The following PARP16 variants were observed in gnomAD, a reference collection of about 807,000 sequenced individuals.
PARP16 encodes protein mono-ADP-ribosyltransferase PARP16.
A neutral mutation model predicts 35.0 loss-of-function variants in PARP16; 31 were observed. That is an observed-to-expected ratio of 0.88 (90% CI 0.66 to 1.19). PARP16 has a LOEUF of 1.19. Among genes scored for constraint, PARP16 ranks in the 50% most tolerant of loss-of-function variants. The probability of loss-of-function intolerance (pLI) is 0.00; values close to 1 mark genes in which losing one functional copy is unlikely to be tolerated. For missense variants in PARP16, 424 were observed against 411.2 expected, an observed-to-expected ratio of 1.03 and a Z score of -0.27; for synonymous variants, 162 against 169.5, an observed-to-expected ratio of 0.96 and a Z score of 0.34.
chr15:65,282,440 G>A (rs2090447428), intron 1 of PARP16: 1 of 152,196 alleles, frequency 6.6e-6, no homozygotes, highest in East Asian at 1.9e-4. Context: ...CAGATGCCCA[G>A]TTCTCTGCAT....
intron 4 of PARP16, 61 bp downstream of exon 4, chr15:65,263,088 G>T: frequency 6.7e-7 from 1 of 1,499,380 alleles, no homozygotes; most frequent in Non-Finnish European, 9.2e-7. Context: ...AGCTGGGCCA[G>T]CAAGAGCCTG....
intron 3 of PARP16, among the ~76,000 whole-genome samples, chr15:65,266,234 C>T (rs1027983981): frequency 9.9e-5 from 15 of 152,142 alleles, no homozygotes; most frequent in Admixed American, 8.5e-4. Context: ...AAAAGCTCCC[C>T]GAGTGATTCT....
At chr15:65,271,516 C>A (rs951882560) in intron 1 of PARP16, among the ~76,000 whole-genome samples, 11 of 152,126 alleles carry the variant, frequency 7.2e-5, no homozygotes, top group African/African-American at 1.9e-4. Flanking sequence ...CTCAAGTGAT[C>A]CCCCTGCCTC....
rs1181532416 is a variant in PARP16 at position 65,286,364 on chromosome 15, G to A, written c.63C>T (p.Asp21=). Residue 21 remains aspartate (D), a synonymous_variant, in exon 1 of 6, where the codon GAC becomes GAT. Coordinates refer to ENST00000649807, the MANE Select transcript of PARP16 (RefSeq NM_001316943.2). ...CCGAGGCGAAGAGGCTGCACCGGAGGTCGGCGGCCAGCATGTCGCGGCCCG... is the reference window on the plus strand; with the variant it reads ...CCGAGGCGAAGAGGCTGCACCGGAGATCGGCGGCCAGCATGTCGCGGCCCG... The part of the protein sequence containing the change: ...EAAGRDMLAA[D]LRCSLFASAL... The A allele has an allele frequency of 6.3e-7, 1 of 1,581,142 alleles. No individual in the cohort carries two copies. The highest frequency in any genetic ancestry group is 8.6e-7 in the Non-Finnish European group (1 of 1,166,280).
chr15:65,275,833 C>T (rs946792066), intron 1 of PARP16, among the ~76,000 whole-genome samples: 2 of 152,296 alleles, frequency 1.3e-5, no homozygotes, highest in East Asian at 3.9e-4. Flanking sequence ...TTTTCTATTC[C>T]TTGTTATCTC....
At chr15:65,260,864 A>G in intron 5 of PARP16, 21 bp downstream of exon 5, 2 of 1,611,228 alleles carry the variant, frequency 1.2e-6, no homozygotes, top group Non-Finnish European at 1.7e-6. Flanking sequence ...TACAGCCATT[A>G]GTTGTTCTCT....
chr15:65,271,172 C>G (rs1237291442), intron 1 of PARP16, 100 bp from the exon 2 acceptor site: 3 of 1,078,284 alleles, frequency 2.8e-6, no homozygotes, highest in African/African-American at 1.6e-5. Flanking sequence ...TGTTGCACGT[C>G]TCAAGGGATC....
Position 65,286,861 on chromosome 15 carries a change from C to G in PARP16, c.-435G>C, listed in dbSNP as rs1466851681. The stretch of plus-strand genomic sequence containing the variant: ...AGCCCACTCTCCGCGACGGGCGAGG[C>G]TGCTGCGCCGCGCGCGCCTTCCTGC... On this transcript the variant is annotated 5_prime_UTR_variant, in exon 1 of 6. Coordinates refer to ENST00000649807, the MANE Select transcript of PARP16 (RefSeq NM_001316943.2). 1 of 161,278 alleles carries G rather than the reference C, an allele frequency of 6.2e-6. No individual in the cohort carries two copies. The highest frequency in any genetic ancestry group is 2.4e-5 in the African/African-American group (1 of 41,788). The allele number at this position is 161,278 out of a possible 1,614,324, so 10.0% of individuals were successfully genotyped here. A position where few individuals can be genotyped will look rare whatever the true frequency, so the allele number is the denominator to read the frequency against.
intron 4 of PARP16, 133 bp from the exon 5 acceptor site, chr15:65,261,159 T>C (rs374546903): frequency 4.2e-6 from 3 of 720,058 alleles, no homozygotes; most frequent in Non-Finnish European, 2.3e-6. Flanking sequence ...CAGACCTGTG[T>C]GTGCATGAAG....
downstream of PARP16, among the ~76,000 whole-genome samples, chr15:65,253,394 G>C (rs993062195): frequency 2.6e-5 from 4 of 151,012 alleles, no homozygotes; most frequent in South Asian, 2.1e-4. Context: ...GCAGTGGCGG[G>C]ATCTCGGCTC....
At chr15:65,251,710 G>A (rs914204094) in intron 2 of PARP16, among the ~76,000 whole-genome samples, 2 of 151,146 alleles carry the variant, frequency 1.3e-5, no homozygotes, top group South Asian at 2.1e-4. Context: ...CTCAAAACTC[G>A]TGGCTCATTT....
chr15:65,232,065 C>T (rs981118199), downstream of PARP16, among the ~76,000 whole-genome samples: 2 of 152,064 alleles, frequency 1.3e-5, no homozygotes, highest in African/African-American at 2.4e-5. Flanking sequence ...TAGACTACAC[C>T]GTCACCTACC....
chr15:65,231,986 T>G (rs957644360), downstream of PARP16, among the ~76,000 whole-genome samples: 2 of 152,142 alleles, frequency 1.3e-5, no homozygotes, highest in African/African-American at 4.8e-5. Flanking sequence ...TTTTAAAAAT[T>G]TTTAGTGCCA....
downstream of PARP16, chr15:65,234,431 C>G (rs1222560255): frequency 1.3e-5 from 2 of 152,202 alleles, no homozygotes; most frequent in Non-Finnish European, 2.9e-5. Context: ...GTCAGTTAAA[C>G]CTTTCACAAA....
At chr15:65,257,583 T>C (rs536051451), downstream of PARP16, among the ~76,000 whole-genome samples, 4 of 146,470 alleles carry the variant, frequency 2.7e-5, no homozygotes, top group South Asian at 6.4e-4. Context: ...TGAGCCGAGA[T>C]TGCGTCACTG....
intron 5 of PARP16, among the ~76,000 whole-genome samples, chr15:65,260,124 A>G (rs2089654511): frequency 6.6e-6 from 1 of 152,178 alleles, no homozygotes; most frequent in South Asian, 2.1e-4. Context: ...AAATTTGGAC[A>G]GGGGTCGGGA....
rs2090436829 is a variant in PARP16 at position 65,282,062 on chromosome 15, A to C, written c.174+4191T>G. ...GGTCCCACTTTGTCACCCAGAATGG[A>C]GTGCAGTGGCACAATCACGGCCCAC... is the stretch of plus-strand genomic sequence containing the variant. On this transcript the variant is annotated intron_variant, in intron 1 of 5. Transcript: ENST00000649807. Among the ~76,000 whole-genome samples the C allele has an allele frequency of 2.0e-5, 3 of 152,194 alleles. No homozygotes were observed. In the South Asian group the frequency reaches 6.2e-4, roughly 31 times the overall value.
intron 1 of PARP16, among the ~76,000 whole-genome samples, chr15:65,281,605 C>T (rs1272355281): frequency 1.3e-5 from 2 of 151,568 alleles, no homozygotes; most frequent in Admixed American, 6.6e-5. Context: ...GCAGGAGAAT[C>T]GCTTGAACCC....
intron 1 of PARP16, among the ~76,000 whole-genome samples, chr15:65,284,337 C>CTTTTTTTTTTTTTTTTTTTTTTTTTTTTT (rs34254507): frequency 3.0e-5 from 2 of 67,034 alleles, no homozygotes; most frequent in Non-Finnish European, 5.4e-5. Context: ...TTTCTTTCCT[C>CTTTTTTTTTTTTTTTTTTTTTTTTTTTTT]TTTTTTTTTT....
Sources: gnomAD v4.1 joint callset for allele counts (sites outside exome capture counted in the v4.1 genomes callset) on GRCh38, gnomAD v4.1.1 for gene constraint, MANE v1.5 for transcripts, NCBI Gene and HGNC (gene_info 2026-07-23, HGNC 2026-07-21) for gene names.